The following TIMM10 variants were observed in gnomAD, a reference collection of about 807,000 sequenced individuals.
TIMM10 encodes mitochondrial import inner membrane translocase subunit Tim10.
Under a neutral mutation model 9.1 loss-of-function variants are expected in TIMM10, and 13 were observed. That is an observed-to-expected ratio of 1.42 (90% CI 0.93 to 2.26). The LOEUF is 2.26. Among genes scored for constraint, TIMM10 ranks in the 30% most tolerant of loss-of-function variants. TIMM10 has a pLI of 0.00. For missense variants in TIMM10, 82 were observed against 113.6 expected, an observed-to-expected ratio of 0.72 and a Z score of 1.26; for synonymous variants, 40 against 42.1, an observed-to-expected ratio of 0.95 and a Z score of 0.20.
intron 2 of TIMM10, among the ~76,000 whole-genome samples, chr11:57,529,216 C>T (rs556297930): frequency 1.3e-5 from 2 of 152,310 alleles, no homozygotes; most frequent in South Asian, 2.1e-4. Flanking sequence ...ACATGTATCC[C>T]CATTTTACAG....
In TIMM10 at chr11:57,530,203, C is replaced by T. The variant is rs1944785536; in HGVS notation, c.-14G>A. On this transcript the variant is annotated 5_prime_UTR_variant, in exon 2 of 3. Transcript: ENST00000257245. ...GAGAGGATCCATCTCAGCCTAGCACCGTGGAAGGGATCTCCTTCTGGCCTC... is the reference window on the plus strand; with the variant it reads ...GAGAGGATCCATCTCAGCCTAGCACTGTGGAAGGGATCTCCTTCTGGCCTC... The T allele has an allele frequency of 1.2e-6, 2 of 1,613,912 alleles. No individual in the cohort carries two copies. The highest frequency in any genetic ancestry group is 1.7e-4 in the Middle Eastern group (1 of 5,988).
In TIMM10 at chr11:57,530,238, G is replaced by A; in HGVS notation, c.-45-4C>T. The A allele has an allele frequency of 6.3e-7, 1 of 1,596,254 alleles. No homozygotes were observed. The highest frequency in any genetic ancestry group is 1.1e-5 in the South Asian group (1 of 90,640). ...ATCTCCTTCTGGCCTCCTAATCCTG[G>A]GAGCAGACATCACCATCAGCACCCA... On this transcript the variant is annotated splice_region_variant and splice_polypyrimidine_tract_variant and intron_variant, in intron 1 of 2. Transcript: ENST00000257245.
chr11:57,529,570 G>C (rs1440710372), intron 2 of TIMM10, among the ~76,000 whole-genome samples: 1 of 152,186 alleles, frequency 6.6e-6, no homozygotes, highest in African/African-American at 2.4e-5. Flanking sequence ...GTGGAGCCAG[G>C]ATTTGTTCCC....
chr11:57,528,492 TA>T lies in TIMM10; in HGVS notation c.*224del, dbSNP rs1554987807. ...GTGTCAACAAACTTGTTTATATATATATATATATATATATATATATATATAC... is the reference window on the plus strand; with the variant it reads ...GTGTCAACAAACTTGTTTATATATATTATATATATATATATATATATATAC... On this transcript the variant is annotated 3_prime_UTR_variant, in exon 3 of 3. Transcript: ENST00000257245. 7.2e-5 allele frequency: 1 copy of T among 13,904 alleles called. No individual in the cohort carries two copies. The highest frequency in any genetic ancestry group is 1.4e-4 in the Non-Finnish European group (1 of 7,004). The allele number at this position is 13,904 out of a possible 1,614,324, so 0.9% of individuals were successfully genotyped here. A position where few individuals can be genotyped will look rare whatever the true frequency, so the allele number is the denominator to read the frequency against.
At chr11:57,529,408 AGTGTTGGGCTTGAG>A (rs1198847185) in intron 2 of TIMM10, among the ~76,000 whole-genome samples, 1 of 150,128 alleles carries the variant, frequency 6.7e-6, no homozygotes, top group Non-Finnish European at 1.5e-5. Flanking sequence ...CATTTCACTA[AGTGTTGGGCTTGAG>A]GCTAAGGGCT....
Position 57,530,156 on chromosome 11 carries a change from C to T in TIMM10, c.34G>A (p.Glu12Lys), listed in dbSNP as rs1944784994. The T allele has an allele frequency of 6.2e-7, 1 of 1,614,062 alleles. No individual in the cohort carries two copies. Among genetic ancestry groups the T allele is most frequent in the Non-Finnish European group, 8.5e-7 (1 of 1,180,038 alleles). ...TCGGCCATCATCTCCACCTCCAGCT[C>T]CGCAGCCAGCTGTTGGGCCCTGAGA... Reference protein sequence around the residue: ...DPLRAQQLAAELEVEMMADMY... With the variant: ...DPLRAQQLAAKLEVEMMADMY... The change falls in exon 2 of 3, where the codon GAG becomes AAG. Residue 12 changes from glutamate (E) to lysine (K), a missense_variant. Glu to Lys is a moderately conservative substitution (Grantham distance 56). Transcript: ENST00000257245.
chr11:57,528,899 G>A lies in TIMM10; in HGVS notation c.91C>T (p.Arg31Trp), dbSNP rs751623583. The A allele has an allele frequency of 8.1e-6, 13 of 1,613,310 alleles. No individual in the cohort carries two copies. In the East Asian group the frequency reaches 1.8e-4, roughly 22 times the overall value. The change falls in exon 3 of 3, where the codon CGG becomes TGG. Residue 31 changes from arginine to tryptophan, a missense_variant. By Grantham distance (101) the Arg-to-Trp change is moderately radical. Coordinates refer to ENST00000257245, the MANE Select transcript of TIMM10 (RefSeq NM_012456.3). The stretch of plus-strand genomic sequence containing the variant: ...TTGTAGTGAGGAGGCACACACTTCC[G>A]GTGGCAGGCACTGGTCATTCTGGAG... ...MYNRMTSACHRKCVPPHYKEA... is the reference protein window; with the variant it reads ...MYNRMTSACHWKCVPPHYKEA...
chr11:57,529,032 TC>T (rs1436460346), intron 2 of TIMM10, 114 bp from the exon 3 acceptor site: 3 of 1,144,296 alleles, frequency 2.6e-6, no homozygotes, highest in African/African-American at 1.5e-5. Flanking sequence ...GCAGTGTAAA[TC>T]CTCAGTTTAC....
At position 57,530,162 on chromosome 11, in the gene TIMM10, C is replaced by A; in HGVS notation, c.28G>T (p.Ala10Ser). 1.9e-6 allele frequency: 3 copies of A among 1,614,170 alleles called. No homozygotes were observed. The highest frequency in any genetic ancestry group is 2.5e-6 in the Non-Finnish European group (3 of 1,180,018). The change falls in exon 2 of 3, where the codon GCT becomes TCT. Residue 10 changes from alanine (A) to serine (S), a missense_variant. Ala to Ser is a moderately conservative substitution (Grantham distance 99). Coordinates refer to ENST00000257245, the MANE Select transcript of TIMM10 (RefSeq NM_012456.3). MDPLRAQQL[A>S]AELEVEMMAD... is the part of the protein sequence containing the mutation. The stretch of plus-strand genomic sequence containing the variant: ...ATCATCTCCACCTCCAGCTCCGCAG[C>A]CAGCTGTTGGGCCCTGAGAGGATCC...
intron 2 of TIMM10, among the ~76,000 whole-genome samples, chr11:57,529,186 G>A (rs10792101): frequency 0.26 from 39,145 of 152,166 alleles, 5,696 homozygotes; most frequent in African/African-American, 0.39. Context: ...GTTATGCAAT[G>A]CTTACAATAA....
chr11:57,530,286 C>T (rs762818574), intron 1 of TIMM10, 52 bp from the exon 2 acceptor site: 13 of 1,290,086 alleles, frequency 1.0e-5, no homozygotes, highest in Admixed American at 5.2e-5. Flanking sequence ...ACTCTCCTAC[C>T]CCTGGGGCTA....
chr11:57,530,367 T>C, intron 1 of TIMM10, 133 bp from the exon 2 acceptor site: 1 of 587,320 alleles, frequency 1.7e-6, no homozygotes, highest in East Asian at 2.9e-5. Flanking sequence ...AACCACCCCA[T>C]TTCACGGATG....
Position 57,528,473 on chromosome 11 carries a change from A to G in TIMM10, c.*244T>C, listed in dbSNP as rs1284753451. On this transcript the variant is annotated 3_prime_UTR_variant, in exon 3 of 3. Transcript: ENST00000257245. ...ACTGCTTTGCACATAGTAGGTGTCA[A>G]CAAACTTGTTTATATATATATATAT... The G allele has an allele frequency of 6.4e-6, 1 of 156,470 alleles. No homozygotes were observed. Among genetic ancestry groups the G allele is most frequent in the Non-Finnish European group, 1.3e-5 (1 of 79,486 alleles). The allele number at this position is 156,470 out of a possible 1,614,324, so 9.7% of individuals were successfully genotyped here.
chr11:57,530,378 T>C, intron 1 of TIMM10, 144 bp from the exon 2 acceptor site: 2 of 576,820 alleles, frequency 3.5e-6, no homozygotes, highest in South Asian at 4.1e-5. Context: ...TTCACGGATG[T>C]GGAAACTGAG....
intron 2 of TIMM10, 69 bp from the exon 3 acceptor site, chr11:57,528,987 A>G (rs1237067032): frequency 6.6e-7 from 1 of 1,524,604 alleles, no homozygotes; most frequent in Non-Finnish European, 9.0e-7. Context: ...TGACCATTCC[A>G]GCCCTGCTAT....
At chr11:57,529,938 C>T (rs550518176) in intron 2 of TIMM10, among the ~76,000 whole-genome samples, 181 bp downstream of exon 2, 15 of 152,292 alleles carry the variant, frequency 9.8e-5, no homozygotes, top group African/African-American at 3.6e-4. Flanking sequence ...ATGCCCAACT[C>T]ATTCTAGTGA....
intron 1 of TIMM10, 66 bp from the exon 2 acceptor site, chr11:57,530,300 G>A (rs1387172676): frequency 2.7e-6 from 3 of 1,106,566 alleles, no homozygotes; most frequent in Non-Finnish European, 4.0e-6. Context: ...GGGGCTAGAG[G>A]ATACAGAGGA....
At chr11:57,528,940 G>A (rs777802570) in intron 2 of TIMM10, 22 bp from the exon 3 acceptor site, 3 of 1,611,782 alleles carry the variant, frequency 1.9e-6, no homozygotes, top group Admixed American at 1.7e-5. Flanking sequence ...GAGGGGCAAG[G>A]TCATGTCAGC....
chr11:57,528,950 C>T (rs1944775170), intron 2 of TIMM10, 32 bp from the exon 3 acceptor site: 1 of 1,608,748 alleles, frequency 6.2e-7, no homozygotes. Context: ...GTCATGTCAG[C>T]AGCATCCTGT....
Sources: gnomAD v4.1 joint callset for allele counts (sites outside exome capture counted in the v4.1 genomes callset) on GRCh38, gnomAD v4.1.1 for gene constraint, MANE v1.5 for transcripts, NCBI Gene and HGNC (gene_info 2026-07-23, HGNC 2026-07-21) for gene names.